The following ZNF536 variants were observed in gnomAD, a reference collection of about 807,000 sequenced individuals.
ZNF536 encodes the protein zinc finger protein 536.
ZNF536 carries 13 observed loss-of-function variants against 84.5 expected under a neutral mutation model. That is an observed-to-expected ratio of 0.15 (90% confidence interval 0.10 to 0.24). ZNF536 has a LOEUF of 0.24. Ranked by LOEUF, ZNF536 falls within the 10% of genes least tolerant of loss-of-function variation. The pLI is 1.00. For synonymous variants in ZNF536, 811 were observed against 742.5 expected (o/e 1.09, Z -1.50); for missense variants, 1,536 against 1,747.5 (o/e 0.88, Z 2.16).
chr19:30,642,883 G>T (rs570757131), intron 1 of ZNF536, among the ~76,000 whole-genome samples: 113 of 152,242 alleles, frequency 7.4e-4, no homozygotes, highest in African/African-American at 2.6e-3. Flanking sequence ...GGGGGTGAGA[G>T]CCCAGCTCCC....
intron 1 of ZNF536, among the ~76,000 whole-genome samples, chr19:30,438,043 G>C (rs1036990677): frequency 2.0e-5 from 3 of 152,138 alleles, no homozygotes; most frequent in South Asian, 2.1e-4. Context: ...TGACTGCCCA[G>C]TTGCCTTAAG....
chr19:30,674,442 T>C (rs1178723090), intron 1 of ZNF536, among the ~76,000 whole-genome samples: 1 of 152,206 alleles, frequency 6.6e-6, no homozygotes, highest in African/African-American at 2.4e-5. Flanking sequence ...CTCAGGTTAA[T>C]TTCTCAGGAA....
At chr19:30,689,892 T>C (rs895282357) in intron 1 of ZNF536, among the ~76,000 whole-genome samples, 1 of 152,244 alleles carries the variant, frequency 6.6e-6, no homozygotes, top group African/African-American at 2.4e-5. Flanking sequence ...TGTTGCTAGA[T>C]ACCAGAAAGT....
At chr19:30,286,999 C>T (rs2045652775) in intron 2 of ZNF536, among the ~76,000 whole-genome samples, 1 of 152,138 alleles carries the variant, frequency 6.6e-6, no homozygotes, top group Non-Finnish European at 1.5e-5. Context: ...TGGAATCCAT[C>T]GTGTTATTTG....
intron 2 of ZNF536, among the ~76,000 whole-genome samples, chr19:30,459,298 C>A (rs1376879383): frequency 7.6e-6 from 1 of 132,432 alleles, no homozygotes; most frequent in Non-Finnish European, 1.6e-5. Context: ...CTTTTTCTTT[C>A]TTTCTTTCTT....
intron 1 of ZNF536, among the ~76,000 whole-genome samples, chr19:30,403,320 G>A (rs774308349): frequency 1.3e-5 from 2 of 152,214 alleles, no homozygotes; most frequent in East Asian, 1.9e-4. Context: ...AATGCACAAC[G>A]CAGACAAGGC....
chr19:30,562,420 T>C (rs546132832), downstream of ZNF536, among the ~76,000 whole-genome samples: 10 of 152,258 alleles, frequency 6.6e-5, no homozygotes, highest in East Asian at 5.8e-4. Flanking sequence ...AAGAAGACCA[T>C]TGAGGATTTT....
chr19:30,661,087 A>G (rs2050106333), intron 1 of ZNF536, among the ~76,000 whole-genome samples: 1 of 152,208 alleles, frequency 6.6e-6, no homozygotes, highest in Non-Finnish European at 1.5e-5. Flanking sequence ...CTATTTAAAC[A>G]AGATAAGAGA....
chr19:30,528,400 G>A (rs1157546483), intron 2 of ZNF536, among the ~76,000 whole-genome samples: 1 of 151,974 alleles, frequency 6.6e-6, no homozygotes, highest in East Asian at 1.9e-4. Context: ...TTCTATCTCT[G>A]GCTTCTCCCT....
At chr19:30,257,795 C>T (rs894137189) in intron 1 of ZNF536, among the ~76,000 whole-genome samples, 2 of 152,176 alleles carry the variant, frequency 1.3e-5, no homozygotes, top group African/African-American at 4.8e-5. Flanking sequence ...CCTGGGCGGA[C>T]CCATTGCAAC....
At chr19:30,494,513 C>A (rs1319060564) in intron 2 of ZNF536, among the ~76,000 whole-genome samples, 1 of 152,134 alleles carries the variant, frequency 6.6e-6, no homozygotes, top group Non-Finnish European at 1.5e-5. Flanking sequence ...TGCTTCTGAC[C>A]CAGCTCACGT....
chr19:30,704,470 A>T (rs2052134491), intron 1 of ZNF536, among the ~76,000 whole-genome samples: 1 of 151,978 alleles, frequency 6.6e-6, no homozygotes, highest in Admixed American at 6.6e-5. Context: ...AACCTGGTGA[A>T]ACCCCACCTC....
intron 1 of ZNF536, among the ~76,000 whole-genome samples, chr19:30,423,787 C>G (rs1343867783): frequency 6.6e-6 from 1 of 151,366 alleles, no homozygotes. Context: ...GCAGTGACAG[C>G]AGCTGTGGCG....
chr19:30,314,275 G>C (rs1415226681), intron 2 of ZNF536, among the ~76,000 whole-genome samples: 1 of 152,168 alleles, frequency 6.6e-6, no homozygotes, highest in Non-Finnish European at 1.5e-5. Context: ...AGTCTCGAGC[G>C]GGGCGGTGCG....
At chr19:30,308,333 C>T (rs566310833) in intron 2 of ZNF536, among the ~76,000 whole-genome samples, 1 of 152,194 alleles carries the variant, frequency 6.6e-6, no homozygotes, top group East Asian at 1.9e-4. Flanking sequence ...GGCGCTTTCT[C>T]CATGTAATCT....
intron 2 of ZNF536, among the ~76,000 whole-genome samples, chr19:30,315,101 T>C (rs1668252945): frequency 6.6e-6 from 1 of 152,234 alleles, no homozygotes; most frequent in Non-Finnish European, 1.5e-5. Context: ...GATTATCAGC[T>C]CCTTGAGGGC....
chr19:30,306,793 A>G (rs1253704635), intron 2 of ZNF536, among the ~76,000 whole-genome samples: 2 of 152,226 alleles, frequency 1.3e-5, no homozygotes, highest in African/African-American at 4.8e-5. Context: ...TGTATGGAAC[A>G]CTGAATGAAA....
Position 30,567,001 on chromosome 19 carries a change from G to A in ZNF536, c.169+17487G>A, listed in dbSNP as rs369174106. ...GTGTGTGGCCTCTCTGGGTAGTGGCGGTCCCCGCGTGTGGCCTCTCCGGGT... is the reference window on the plus strand; with the variant it reads ...GTGTGTGGCCTCTCTGGGTAGTGGCAGTCCCCGCGTGTGGCCTCTCCGGGT... On this transcript the variant is annotated intron_variant, in intron 1 of 1. Transcript: ENST00000592773. Among the ~76,000 whole-genome samples the A allele has an allele frequency of 1.1e-4, 17 of 151,474 alleles. No homozygotes were observed. The East Asian group carries it at 2.0e-3, about 18-fold the overall frequency.
rs1056811428 is a variant in ZNF536, at chr19:30,381,974, T to C, written c.-3+9418T>C. On this transcript the variant is annotated intron_variant, in intron 1 of 4. Coordinates refer to ENST00000355537, the MANE Select transcript of ZNF536 (RefSeq NM_014717.3). ...AAGTTCTTAATTTAAATTCTTGTTT[T>C]GGAAGAGAACAAGCAGAGAGAAGAG... is the stretch of plus-strand genomic sequence containing the variant. Among the ~76,000 whole-genome samples the C allele has an allele frequency of 4.6e-5, 7 of 152,328 alleles. No individual in the cohort carries two copies. The Middle Eastern group carries it at 0.01, about 222-fold the overall frequency.
Sources: allele counts gnomAD v4.1 joint callset (sites outside exome capture counted in the v4.1 genomes callset), GRCh38; gene constraint gnomAD v4.1.1; transcripts MANE v1.5; gene names NCBI Gene and HGNC (gene_info 2026-07-23, HGNC 2026-07-21).